The following TMCO1 variants were observed in gnomAD, a reference collection of about 807,000 sequenced individuals.
TMCO1 encodes the protein transmembrane and coiled-coil domains 1, also known as calcium load-activated calcium channel.
A neutral mutation model predicts 29.3 loss-of-function variants in TMCO1; 29 were observed. The observed-to-expected ratio is 0.99, with a 90% confidence interval of 0.74 to 1.35. TMCO1 has a LOEUF of 1.35. Ranked by LOEUF, TMCO1 falls within the 40% of genes most tolerant of loss-of-function variation. The pLI is 0.00. For missense variants in TMCO1, 173 were observed against 225.5 expected (o/e 0.77, Z 1.49); for synonymous variants, 80 against 77.1 (o/e 1.04, Z -0.20).
intron 2 of TMCO1, among the ~76,000 whole-genome samples, chr1:165,767,911 C>G (rs538925820): frequency 6.6e-6 from 1 of 152,284 alleles, no homozygotes; most frequent in South Asian, 2.1e-4. Context: ...TAAGTTCAGT[C>G]CTGCCTCAGC....
intron 6 of TMCO1, 31 bp from the exon 7 acceptor site, chr1:165,728,152 T>C (rs751181050): frequency 1.3e-6 from 2 of 1,558,030 alleles, no homozygotes; most frequent in Admixed American, 3.4e-5. Context: ...GGATTGGGTT[T>C]TAATATCAAA....
chr1:165,758,743 G>A lies in TMCO1; in HGVS notation c.208+782C>T, dbSNP rs960069986. On this transcript the variant is annotated intron_variant, in intron 3 of 6. Transcript: ENST00000367881. ...AGTAACTGACACATACAGCGTAAAT[G>A]TTCAATAGCATTTTCTCATAGAATT... Among the ~76,000 whole-genome samples the A allele has an allele frequency of 6.7e-5, 6 of 90,052 alleles. No individual in the cohort carries two copies. The South Asian group carries it at 1.5e-3, about 22-fold the overall frequency. 59.1% of individuals were successfully genotyped at this position (90,052 alleles called of 152,430 possible). A position where few individuals can be genotyped will look rare whatever the true frequency, so the allele number is the denominator to read the frequency against.
At chr1:165,736,464 T>A (rs1437211338) in intron 6 of TMCO1, among the ~76,000 whole-genome samples, 2 of 152,130 alleles carry the variant, frequency 1.3e-5, no homozygotes, top group East Asian at 3.8e-4. Context: ...ACGCCTGTAA[T>A]CCCAACACTT....
At chr1:165,758,294 T>C (rs898512323) in intron 3 of TMCO1, among the ~76,000 whole-genome samples, 8 of 152,110 alleles carry the variant, frequency 5.3e-5, no homozygotes, top group African/African-American at 1.9e-4. Context: ...TAGTGGCTCA[T>C]GTCTACAAGC....
chr1:165,748,682 T>A (rs552208708), intron 5 of TMCO1, among the ~76,000 whole-genome samples: 7 of 152,298 alleles, frequency 4.6e-5, no homozygotes, highest in African/African-American at 1.7e-4. Flanking sequence ...GGGAACACAA[T>A]TGGTTCCAAG....
Position 165,727,916 on chromosome 1 carries a change from A to G in TMCO1, c.*107T>C, listed in dbSNP as rs1446002513. ...AGGCTTAGAAATAATTCAAAACTAG[A>G]AAGAGGCCCAAGTAGTAAGGCTACC... On this transcript the variant is annotated 3_prime_UTR_variant, in exon 7 of 7. Coordinates refer to ENST00000367881, the MANE Select transcript of TMCO1 (RefSeq NM_019026.6). 1.2e-6 allele frequency: 1 copy of G among 814,354 alleles called. No individual in the cohort carries two copies. Among genetic ancestry groups the G allele is most frequent in the Non-Finnish European group, 2.0e-6 (1 of 497,516 alleles). The allele number at this position is 814,354 out of a possible 1,614,324, so 50.4% of individuals were successfully genotyped here. A position where few individuals can be genotyped will look rare whatever the true frequency, so the allele number is the denominator to read the frequency against.
chr1:165,747,382 T>C (rs1651840648), intron 5 of TMCO1, among the ~76,000 whole-genome samples: 1 of 150,758 alleles, frequency 6.6e-6, no homozygotes, highest in South Asian at 2.1e-4. Context: ...AGAAAGTATA[T>C]AAAATAGACT....
intron 5 of TMCO1, among the ~76,000 whole-genome samples, chr1:165,747,046 A>G (rs899765398): frequency 6.6e-6 from 1 of 152,128 alleles, no homozygotes; most frequent in Admixed American, 6.5e-5. Flanking sequence ...GGATCACTTG[A>G]GGTCAGGAGC....
intron 2 of TMCO1, among the ~76,000 whole-genome samples, chr1:165,763,067 C>T (rs1652451605): frequency 6.6e-6 from 1 of 152,134 alleles, no homozygotes; most frequent in African/African-American, 2.4e-5. Flanking sequence ...TTTTGGACAA[C>T]AGTATTCTTC....
At chr1:165,755,365 C>T (rs1418814308) in intron 3 of TMCO1, among the ~76,000 whole-genome samples, 1 of 151,854 alleles carries the variant, frequency 6.6e-6, no homozygotes, top group African/African-American at 2.4e-5. Context: ...CAAAAATTTC[C>T]TCTCATATTT....
intron 2 of TMCO1, among the ~76,000 whole-genome samples, chr1:165,765,628 T>C (rs1652541362): frequency 6.6e-6 from 1 of 152,166 alleles, no homozygotes; most frequent in African/African-American, 2.4e-5. Context: ...GAGGTGATGT[T>C]GGAACAAAGA....
In TMCO1 at chr1:165,743,318, GAAAAAAA is replaced by G; in HGVS notation, c.324-14_324-8del. On this transcript the variant is annotated splice_region_variant and splice_polypyrimidine_tract_variant and intron_variant, in intron 5 of 6. Transcript: ENST00000367881. ...CACCACTCTACCATCAAATCTAAAA[GAAAAAAA>G]AAAAAAAAGAATTGTTATCTTTGGA... The G allele has an allele frequency of 1.5e-6, 2 of 1,346,560 alleles. No homozygotes were observed. Among genetic ancestry groups the G allele is most frequent in the Non-Finnish European group, 2.0e-6 (2 of 991,770 alleles). The allele number at this position is 1,346,560 out of a possible 1,614,324, so 83.4% of individuals were successfully genotyped here.
chr1:165,728,261 T>C, intron 6 of TMCO1, 140 bp from the exon 7 acceptor site: 2 of 200,930 alleles, frequency 1.0e-5, no homozygotes, highest in Non-Finnish European at 1.9e-5. Flanking sequence ...TGATTATCAC[T>C]TTTTTTTTTT....
At chr1:165,745,819 T>A (rs112080898) in intron 5 of TMCO1, among the ~76,000 whole-genome samples, 3,313 of 152,274 alleles carry the variant, frequency 0.022, 129 homozygotes, top group African/African-American at 0.075. Context: ...ATATTTTTTT[T>A]AAATGTACAG....
intron 3 of TMCO1, 112 bp downstream of exon 3, chr1:165,759,413 T>G: frequency 1.2e-6 from 1 of 834,532 alleles, no homozygotes; most frequent in Non-Finnish European, 2.0e-6. Flanking sequence ...TTATAAACCA[T>G]AAAATCATAG....
intron 5 of TMCO1, among the ~76,000 whole-genome samples, chr1:165,744,496 T>A (rs1651715166): frequency 6.6e-6 from 1 of 152,146 alleles, no homozygotes. Context: ...AAATGACTTT[T>A]AAGATCTCTT....
At chr1:165,738,976 C>A (rs1651486480) in intron 6 of TMCO1, among the ~76,000 whole-genome samples, 2 of 152,132 alleles carry the variant, frequency 1.3e-5, no homozygotes, top group South Asian at 4.1e-4. Context: ...AAGGCACTCT[C>A]TATGAACCAG....
At chr1:165,752,320 T>C (rs1652027841) in intron 4 of TMCO1, 151 bp from the exon 5 acceptor site, 5 of 646,786 alleles carry the variant, frequency 7.7e-6, no homozygotes, top group Non-Finnish European at 1.4e-5. Context: ...AGTGGCGCAA[T>C]CTCGGCTCAC....
intron 6 of TMCO1, among the ~76,000 whole-genome samples, chr1:165,729,408 C>T (rs1271386763): frequency 1.3e-5 from 2 of 151,526 alleles, no homozygotes; most frequent in Admixed American, 6.6e-5. Context: ...CCTCTGCCTC[C>T]TGGGTCAAGC....
Sources: gnomAD v4.1 joint callset for allele counts (sites outside exome capture counted in the v4.1 genomes callset) on GRCh38, gnomAD v4.1.1 for gene constraint, MANE v1.5 for transcripts, NCBI Gene and HGNC (gene_info 2026-07-23, HGNC 2026-07-21) for gene names.